The following TRARG1 variants were observed in gnomAD, a reference collection of about 807,000 sequenced individuals.
TRARG1 encodes the protein trafficking regulator of GLUT4 1.
A neutral mutation model predicts 13.3 loss-of-function variants in TRARG1; 16 were observed. The ratio of observed to expected loss-of-function variants is 1.20; its 90% CI spans 0.81 to 1.83. The LOEUF is 1.83. Ranked by LOEUF, TRARG1 falls within the 40% of genes most tolerant of loss-of-function variation. The probability of loss-of-function intolerance (pLI) is 0.00; values close to 1 mark genes in which losing one functional copy is unlikely to be tolerated. For synonymous variants in TRARG1, 113 were observed against 106.2 expected (o/e 1.06, Z -0.39); for missense variants, 250 against 237.4 (o/e 1.05, Z -0.35).
intron 2 of TRARG1, among the ~76,000 whole-genome samples, chr17:1,296,791 G>A (rs1377135471): frequency 1.3e-5 from 2 of 151,582 alleles, no homozygotes; most frequent in South Asian, 2.1e-4. Context: ...GATTACAGGC[G>A]CCTGCCACCA....
chr17:1,285,816 G>A (rs2072015807), intron 1 of TRARG1, among the ~76,000 whole-genome samples: 1 of 151,944 alleles, frequency 6.6e-6, no homozygotes, highest in South Asian at 2.1e-4. Flanking sequence ...CATCTAGGGG[G>A]AGGGCCGAGG....
At chr17:1,294,654 C>T (rs143546439) in intron 1 of TRARG1, among the ~76,000 whole-genome samples, 1,781 of 145,602 alleles carry the variant, frequency 0.012, 32 homozygotes, top group African/African-American at 0.042. Context: ...TTATTAGAGA[C>T]GGGGTTTCAC....
At chr17:1,290,425 A>T (rs965854271) in intron 1 of TRARG1, among the ~76,000 whole-genome samples, 4 of 152,150 alleles carry the variant, frequency 2.6e-5, no homozygotes, top group Non-Finnish European at 5.9e-5. Flanking sequence ...CCTCCCGAGT[A>T]GCTGAAGCTA....
chr17:1,297,592 CTTTTTT>C (rs35978298), intron 2 of TRARG1, among the ~76,000 whole-genome samples: 1 of 97,928 alleles, frequency 1.0e-5, no homozygotes, highest in South Asian at 3.6e-4. Context: ...TTAGCCAGGA[CTTTTTT>C]TTTTTTTTTT....
chr17:1,282,370 G>GCGTATATATGTA (rs1567928510), intron 1 of TRARG1, among the ~76,000 whole-genome samples: 2 of 147,618 alleles, frequency 1.4e-5, no homozygotes, highest in Non-Finnish European at 1.5e-5. Context: ...ATATATGTAC[G>GCGTATATATGTA]TATATGTATA....
In TRARG1 at chr17:1,280,228, G is replaced by A. The variant is rs770710409; in HGVS notation, c.227G>A (p.Arg76Gln). The change falls in exon 1 of 3, where the codon CGG (arginine) becomes CAG (glutamine). Residue 76 changes from arginine to glutamine, a missense_variant. Physicochemically the swap from Arg to Gln is conservative, Grantham distance 43. Coordinates refer to ENST00000333813, the MANE Select transcript of TRARG1 (RefSeq NM_172367.3). ...GGGCACCTGGAGGCCCCACTGCCTC[G>A]GTCCCCCTCCCGGGCCAGCTCAAGG... ...SEGHLEAPLPRSPSRASSRRA... is the reference protein window; with the variant it reads ...SEGHLEAPLPQSPSRASSRRA... The A allele has an allele frequency of 1.5e-5, 25 of 1,613,994 alleles. No homozygotes were observed. Among genetic ancestry groups the A allele is most frequent in the African/African-American group, 1.2e-4 (9 of 75,058 alleles).
chr17:1,288,531 T>C (rs1480672819), intron 1 of TRARG1, among the ~76,000 whole-genome samples: 42 of 15,104 alleles, frequency 2.8e-3, no homozygotes, highest in Admixed American at 3.2e-3. Flanking sequence ...CCCTCCAGCT[T>C]CTCATCCCCC....
In TRARG1 at chr17:1,282,147, C is replaced by T. The variant is rs150827979; in HGVS notation, c.387+1759C>T. Among the ~76,000 whole-genome samples the T allele has an allele frequency of 2.1e-3, 288 of 139,302 alleles. 7 individuals carry two copies. The highest frequency in any genetic ancestry group is 3.3e-3 in the Non-Finnish European group (218 of 67,016). 91.4% of individuals were successfully genotyped at this position (139,302 alleles called of 152,430 possible). A position where few individuals can be genotyped will look rare whatever the true frequency, so the allele number is the denominator to read the frequency against. ...ATGTACATATACACGCATATATGTA[C>T]GTATACACGTGCATATATGTACGTA... On this transcript the variant is annotated intron_variant, in intron 1 of 2. Transcript: ENST00000333813.
chr17:1,298,394 C>A lies in TRARG1; in HGVS notation c.*130C>A. The A allele has an allele frequency of 2.1e-6, 2 of 968,336 alleles. No homozygotes were observed. The highest frequency in any genetic ancestry group is 3.1e-6 in the Non-Finnish European group (2 of 651,690). The allele number at this position is 968,336 out of a possible 1,614,324, so 60.0% of individuals were successfully genotyped here. On this transcript the variant is annotated 3_prime_UTR_variant, in exon 3 of 3. Transcript: ENST00000333813. ...TCCCCAAGTTCCAAAAGCACAGACTCAAAGGGAAACCCCCCAGTCACCCAC... is the reference window on the plus strand; with the variant it reads ...TCCCCAAGTTCCAAAAGCACAGACTAAAAGGGAAACCCCCCAGTCACCCAC...
chr17:1,289,801 A>T (rs965109467), intron 1 of TRARG1, among the ~76,000 whole-genome samples: 48 of 152,072 alleles, frequency 3.2e-4, no homozygotes, highest in Admixed American at 1.2e-3. Context: ...GTCCAGCTAC[A>T]TACTCATGGC....
At chr17:1,283,573 G>A (rs531395733) in intron 1 of TRARG1, among the ~76,000 whole-genome samples, 3 of 152,164 alleles carry the variant, frequency 2.0e-5, no homozygotes, top group South Asian at 2.1e-4. Context: ...TTGGGAGGCC[G>A]AGGCGGGTGG....
chr17:1,288,858 T>C (rs868391979), intron 1 of TRARG1, among the ~76,000 whole-genome samples: 1 of 4,830 alleles, frequency 2.1e-4, no homozygotes, highest in Non-Finnish European at 3.5e-4. Flanking sequence ...CACGGGCTCC[T>C]CATCCCCCAC....
At chr17:1,297,267 G>A (rs1455006609) in intron 2 of TRARG1, among the ~76,000 whole-genome samples, 4 of 152,128 alleles carry the variant, frequency 2.6e-5, no homozygotes, top group Non-Finnish European at 5.9e-5. Context: ...GTCAACGTTG[G>A]GAGGCACTGG....
At chr17:1,285,023 G>A (rs2072010910) in intron 1 of TRARG1, among the ~76,000 whole-genome samples, 1 of 152,142 alleles carries the variant, frequency 6.6e-6, no homozygotes, top group African/African-American at 2.4e-5. Context: ...TGGCATTTGG[G>A]AAGCAGATGG....
At position 1,298,576 on chromosome 17, in the gene TRARG1, C is replaced by G. The variant is rs1177064228; in HGVS notation, c.*312C>G. ...CCACAATTTCCTGGGTTCCACCAAG[C>G]AGCGAAAACTGCCAGGATGAATGAG... On this transcript the variant is annotated 3_prime_UTR_variant, in exon 3 of 3. Coordinates refer to ENST00000333813, the MANE Select transcript of TRARG1 (RefSeq NM_172367.3). The G allele has an allele frequency of 2.7e-6, 1 of 373,734 alleles. No homozygotes were observed. The highest frequency in any genetic ancestry group is 4.8e-6 in the Non-Finnish European group (1 of 209,632). 23.2% of individuals were successfully genotyped at this position (373,734 alleles called of 1,614,324 possible). A position where few individuals can be genotyped will look rare whatever the true frequency, so the allele number is the denominator to read the frequency against.
intron 1 of TRARG1, among the ~76,000 whole-genome samples, chr17:1,295,238 C>T (rs934987343): frequency 3.9e-5 from 6 of 152,226 alleles, no homozygotes; most frequent in Non-Finnish European, 7.3e-5. Flanking sequence ...GAAGAAGTGC[C>T]AGGCTTTGCT....
intron 1 of TRARG1, among the ~76,000 whole-genome samples, chr17:1,287,357 T>C (rs566247272): frequency 6.8e-6 from 1 of 146,980 alleles, no homozygotes; most frequent in Non-Finnish European, 1.5e-5. Flanking sequence ...GTTGTTTTTG[T>C]TTTTTTTTGT....
chr17:1,289,943 T>A (rs549202108), intron 1 of TRARG1, among the ~76,000 whole-genome samples: 1 of 151,674 alleles, frequency 6.6e-6, no homozygotes, highest in Non-Finnish European at 1.5e-5. Flanking sequence ...GTCACGTTCC[T>A]CCCAGCACCC....
At chr17:1,282,502 C>A (rs183673663) in intron 1 of TRARG1, among the ~76,000 whole-genome samples, 1 of 151,208 alleles carries the variant, frequency 6.6e-6, no homozygotes, top group Non-Finnish European at 1.5e-5. Flanking sequence ...TCCTGAGTAG[C>A]TGGGATTACA....
Sources: gnomAD v4.1 joint callset for allele counts (sites outside exome capture counted in the v4.1 genomes callset) on GRCh38, gnomAD v4.1.1 for gene constraint, MANE v1.5 for transcripts, NCBI Gene and HGNC (gene_info 2026-07-23, HGNC 2026-07-21) for gene names.